The following MGAT4C variants were observed in gnomAD, a reference collection of about 807,000 sequenced individuals.
MGAT4C encodes alpha-1,3-mannosyl-glycoprotein 4-beta-N-acetylglucosaminyltransferase C.
In MGAT4C, 19 loss-of-function variants were observed where a neutral mutation model predicts 40.1. The ratio of observed to expected loss-of-function variants is 0.47; its 90% CI spans 0.33 to 0.70. The LOEUF is 0.70. MGAT4C is among the 30% of genes least tolerant of loss of function. MGAT4C has a pLI of 0.02. For synonymous variants in MGAT4C, 181 were observed against 187.1 expected, an observed-to-expected ratio of 0.97 and a Z score of 0.27; for missense variants, 491 against 563.2, an observed-to-expected ratio of 0.87 and a Z score of 1.30.
intron 2 of MGAT4C, among the ~76,000 whole-genome samples, chr12:86,662,119 C>T (rs1963993582): frequency 6.6e-6 from 1 of 152,076 alleles, no homozygotes; most frequent in South Asian, 2.1e-4. Flanking sequence ...GACATGAAGA[C>T]CCCTACTCCC....
rs981447615 is a variant in MGAT4C at position 86,411,937 on chromosome 12, A to G, written c.-120+23220T>C. Among the ~76,000 whole-genome samples the G allele has an allele frequency of 5.3e-4, 80 of 152,048 alleles. 1 individual carries two copies. The highest frequency in any genetic ancestry group is 1.8e-3 in the African/African-American group (74 of 41,420). ...TGCTCCAACTCTAGCCATGGCTAAC[A>G]GGGGCCCCAAAATTTCTCAGGCCAC... On this transcript the variant is annotated intron_variant, in intron 3 of 7. Coordinates refer to the MGAT4C transcript ENST00000548651.
chr12:86,601,543 C>G (rs1166956337), intron 2 of MGAT4C, among the ~76,000 whole-genome samples: 1 of 152,218 alleles, frequency 6.6e-6, no homozygotes, highest in South Asian at 2.1e-4. Context: ...AAAGCTCTTC[C>G]CCACCTTGCT....
At chr12:86,768,702 G>T (rs532492645) in intron 1 of MGAT4C, among the ~76,000 whole-genome samples, 3 of 152,092 alleles carry the variant, frequency 2.0e-5, no homozygotes, top group Non-Finnish European at 4.4e-5. Context: ...AGAGCCCTCA[G>T]AAATAACGCC....
In MGAT4C at chr12:85,974,974, G is replaced by A. The variant is rs1342743160; in HGVS notation, c.*4315C>T. 6.7e-6 allele frequency: 1 copy of A among 150,234 alleles called. No individual in the cohort carries two copies. The highest frequency in any genetic ancestry group is 1.5e-5 in the Non-Finnish European group (1 of 66,886). The allele number at this position is 150,234 out of a possible 1,614,324, so 9.3% of individuals were successfully genotyped here. On this transcript the variant is annotated 3_prime_UTR_variant, in exon 5 of 5. Coordinates refer to ENST00000611864, the MANE Select transcript of MGAT4C (RefSeq NM_001351288.2). Reference sequence around the variant, plus strand: ...AAAAGATTCTGAAGACTGCATTTCTGAGCTTAAGGTAGATTCTAAACAACA... The same window carrying A: ...AAAAGATTCTGAAGACTGCATTTCTAAGCTTAAGGTAGATTCTAAACAACA...
At chr12:86,362,037 G>T (rs181083548) in intron 3 of MGAT4C, among the ~76,000 whole-genome samples, 42 of 152,240 alleles carry the variant, frequency 2.8e-4, no homozygotes, top group African/African-American at 1.0e-3. Context: ...ACATGCACAC[G>T]TATATTTATT....
At chr12:86,576,512 G>T (rs1481224956) in intron 2 of MGAT4C, among the ~76,000 whole-genome samples, 1 of 151,854 alleles carries the variant, frequency 6.6e-6, no homozygotes, top group East Asian at 1.9e-4. Flanking sequence ...GTGAGAGAAA[G>T]AAGTCTAGTT....
chr12:86,243,195 A>T (rs1230974739), intron 1 of MGAT4C, among the ~76,000 whole-genome samples: 2 of 152,200 alleles, frequency 1.3e-5, no homozygotes, highest in Non-Finnish European at 2.9e-5. Context: ...TGGCTCCAAT[A>T]ATCAATTTTT....
At chr12:86,080,683 A>T (rs1474405651) in intron 1 of MGAT4C, among the ~76,000 whole-genome samples, 2 of 152,194 alleles carry the variant, frequency 1.3e-5, no homozygotes, top group Non-Finnish European at 2.9e-5. Flanking sequence ...TAGTGCTGTA[A>T]CAATGGCTGA....
At chr12:86,147,403 A>G (rs979949301) in intron 1 of MGAT4C, among the ~76,000 whole-genome samples, 2 of 152,184 alleles carry the variant, frequency 1.3e-5, no homozygotes, top group South Asian at 4.1e-4. Flanking sequence ...CACCACGCCC[A>G]GCTAATTTTT....
intron 1 of MGAT4C, among the ~76,000 whole-genome samples, chr12:86,154,028 G>C (rs1884619617): frequency 6.6e-6 from 1 of 152,156 alleles, no homozygotes; most frequent in Non-Finnish European, 1.5e-5. Context: ...ACGCTGAAAA[G>C]AGAAAAGGAA....
At chr12:86,467,257 A>G (rs371178268) in intron 2 of MGAT4C, among the ~76,000 whole-genome samples, 2 of 152,234 alleles carry the variant, frequency 1.3e-5, no homozygotes, top group East Asian at 1.9e-4. Flanking sequence ...TAGTATGTAC[A>G]TGTTTGTGAG....
chr12:86,062,202 T>G (rs1190457949), intron 1 of MGAT4C, among the ~76,000 whole-genome samples: 2 of 152,188 alleles, frequency 1.3e-5, no homozygotes, highest in Non-Finnish European at 2.9e-5. Context: ...TTTGCTATTC[T>G]GCAGCCACCG....
chr12:86,822,100 G>T (rs1024896214), intron 1 of MGAT4C, among the ~76,000 whole-genome samples: 2 of 150,998 alleles, frequency 1.3e-5, no homozygotes, highest in Non-Finnish European at 3.0e-5. Flanking sequence ...GATAGTGATT[G>T]AATTTAAGTT....
At position 85,961,841 on chromosome 12, in the gene MGAT4C, C is replaced by G. The variant is rs896548727; in HGVS notation, c.*17448G>C. On this transcript the variant is annotated 3_prime_UTR_variant, in exon 5 of 5. Transcript: ENST00000611864. ...GCAGCTATTAAATACAATTTGAAGC[C>G]GTGGGATTTTATTAGGATTCTAAGG... is the stretch of plus-strand genomic sequence containing the variant. 6.6e-6 allele frequency: 1 copy of G among 151,718 alleles called. No homozygotes were observed. Among genetic ancestry groups the G allele is most frequent in the Non-Finnish European group, 1.5e-5 (1 of 67,742 alleles). 9.4% of individuals were successfully genotyped at this position (151,718 alleles called of 1,614,324 possible). A position where few individuals can be genotyped will look rare whatever the true frequency, so the allele number is the denominator to read the frequency against.
intron 2 of MGAT4C, among the ~76,000 whole-genome samples, chr12:85,994,621 C>A (rs567849024): frequency 6.6e-6 from 1 of 151,916 alleles, no homozygotes; most frequent in South Asian, 2.1e-4. Flanking sequence ...AAATCCCCCC[C>A]CAGCCGCCAA....
chr12:86,062,110 C>A (rs961247230), intron 1 of MGAT4C, among the ~76,000 whole-genome samples: 1 of 152,148 alleles, frequency 6.6e-6, no homozygotes, highest in Non-Finnish European at 1.5e-5. Flanking sequence ...CCAACAGACA[C>A]CTCATATAGT....
chr12:86,378,064 T>C (rs892047507), intron 3 of MGAT4C, among the ~76,000 whole-genome samples: 6 of 152,216 alleles, frequency 3.9e-5, no homozygotes. Context: ...AGTTGAATGA[T>C]ATTCCACTGT....
chr12:86,729,885 A>G (rs1423269859), intron 1 of MGAT4C, among the ~76,000 whole-genome samples: 3 of 152,104 alleles, frequency 2.0e-5, no homozygotes, highest in Non-Finnish European at 4.4e-5. Flanking sequence ...TCTTGTTCCT[A>G]ATAGGCACCA....
intron 1 of MGAT4C, among the ~76,000 whole-genome samples, chr12:86,771,076 T>C (rs1456281414): frequency 6.6e-6 from 1 of 151,994 alleles, no homozygotes; most frequent in Non-Finnish European, 1.5e-5. Context: ...GTAATTCAGG[T>C]ACAGATCTAT....
Sources: allele counts gnomAD v4.1 joint callset (sites outside exome capture counted in the v4.1 genomes callset), GRCh38; gene constraint gnomAD v4.1.1; transcripts MANE v1.5; gene names NCBI Gene and HGNC (gene_info 2026-07-23, HGNC 2026-07-21).